Variants in NKAIN1 observed in about 807,000 individuals in gnomAD.
NKAIN1 encodes the protein sodium/potassium-transporting ATPase subunit beta-1-interacting protein 1.
NKAIN1 carries 13 observed loss-of-function variants against 31.6 expected under a neutral mutation model. That is an observed-to-expected ratio of 0.41 (90% confidence interval 0.27 to 0.65). The LOEUF (loss-of-function observed/expected upper bound fraction) is 0.65, where lower values mean the gene tolerates loss of function less well. NKAIN1 is among the 30% of genes least tolerant of loss of function. NKAIN1 has a pLI of 0.30. For missense variants in NKAIN1, 193 were observed against 262.2 expected, an observed-to-expected ratio of 0.74 and a Z score of 1.82; for synonymous variants, 104 against 109.0, an observed-to-expected ratio of 0.95 and a Z score of 0.28.
intron 1 of NKAIN1, among the ~76,000 whole-genome samples, chr1:31,192,325 C>G (rs1645292753): frequency 1.3e-5 from 2 of 152,174 alleles, no homozygotes; most frequent in African/African-American, 4.8e-5. Flanking sequence ...ATGCCCTCAC[C>G]CAGCCAGGGT....
chr1:31,221,788 G>T (rs771065396), intron 1 of NKAIN1, among the ~76,000 whole-genome samples: 4 of 152,144 alleles, frequency 2.6e-5, no homozygotes, highest in Non-Finnish European at 5.9e-5. Context: ...GCTAAAGTTT[G>T]AGAAACACAG....
intron 1 of NKAIN1, among the ~76,000 whole-genome samples, chr1:31,200,100 C>A (rs891781714): frequency 1.3e-5 from 2 of 152,144 alleles, no homozygotes; most frequent in African/African-American, 2.4e-5. Flanking sequence ...CATTCACACA[C>A]ACGCACGCAC....
intron 1 of NKAIN1, among the ~76,000 whole-genome samples, chr1:31,221,099 G>A (rs967137860): frequency 3.3e-5 from 5 of 152,138 alleles, no homozygotes; most frequent in Non-Finnish European, 5.9e-5. Context: ...GAGATGCTCC[G>A]AGGATGAAAT....
At chr1:31,227,223 G>A (rs753906822) in intron 1 of NKAIN1, among the ~76,000 whole-genome samples, 5 of 152,188 alleles carry the variant, frequency 3.3e-5, no homozygotes, top group South Asian at 4.1e-4. Flanking sequence ...CCGCTGCCTC[G>A]TTGCGTGACT....
intron 1 of NKAIN1, among the ~76,000 whole-genome samples, chr1:31,216,929 G>A (rs1469813778): frequency 2.0e-5 from 3 of 151,518 alleles, no homozygotes; most frequent in African/African-American, 2.4e-5. Context: ...GCAATGGTGC[G>A]ATCTTGGCTC....
intron 1 of NKAIN1, among the ~76,000 whole-genome samples, chr1:31,220,848 C>T (rs968561027): frequency 6.6e-6 from 1 of 151,706 alleles, no homozygotes; most frequent in African/African-American, 2.4e-5. Flanking sequence ...CCTGGGCCTT[C>T]CATCTGCTCT....
In NKAIN1 at chr1:31,239,850, G is replaced by A. The variant is rs917945366; in HGVS notation, c.-303C>T. ...GCTGGCGGGGAGCGCGGAGCAAGGA[G>A]AGCGAGCCCCGAGCGCGGCGCAGCG... On this transcript the variant is annotated 5_prime_UTR_variant, in exon 1 of 7. Transcript: ENST00000373736. The surrounding 1 kb of genome is among the most constrained non-coding windows in gnomAD (Gnocchi z 4.8). Among the ~76,000 whole-genome samples, 5 of 152,106 alleles carry A rather than the reference G, an allele frequency of 3.3e-5. No individual in the cohort carries two copies. The highest frequency in any genetic ancestry group is 1.2e-4 in the African/African-American group (5 of 41,548).
At position 31,212,595 on chromosome 1, in the gene NKAIN1, G is replaced by A. The variant is rs1259522085; in HGVS notation, c.55-24408C>T. 2.6e-5 allele frequency among the ~76,000 whole-genome samples: 4 copies of A among 152,154 alleles called. No individual in the cohort carries two copies. The South Asian group carries it at 8.3e-4, about 32-fold the overall frequency. ...ACTTTTTGGATTTTTGATAGAGACA[G>A]GGTGTCACCATGTTGCCCACACTGG... On this transcript the variant is annotated intron_variant, in intron 1 of 6. Transcript: ENST00000373736.
At chr1:31,234,226 C>T (rs1256526162) in intron 1 of NKAIN1, among the ~76,000 whole-genome samples, 3 of 152,234 alleles carry the variant, frequency 2.0e-5, no homozygotes, top group Non-Finnish European at 4.4e-5. Flanking sequence ...ATTTCACGCT[C>T]CTGACTCTGA....
chr1:31,219,353 C>T (rs1236390990), intron 1 of NKAIN1, among the ~76,000 whole-genome samples: 1 of 152,264 alleles, frequency 6.6e-6, no homozygotes, highest in African/African-American at 2.4e-5. Context: ...TCCTTCCAAG[C>T]AGCTGGCGCT....
chr1:31,181,928 G>A lies in NKAIN1; in HGVS notation c.546C>T (p.Gly182=). The change falls in exon 6 of 7, where the codon GGC becomes GGT. Residue 182 remains glycine, a synonymous_variant. Transcript: ENST00000373736. ...LEEEDSFDFI[G]GFDSYGYQAP... is the part of the protein sequence containing the mutation. The stretch of plus-strand genomic sequence containing the variant: ...CCTGGTATCCGTAGGAGTCAAAGCC[G>A]CCGATGAAGTCAACTGCGGAAGAGG... 1.9e-6 allele frequency: 3 copies of A among 1,607,530 alleles called. No individual in the cohort carries two copies. Among genetic ancestry groups the A allele is most frequent in the Non-Finnish European group, 2.5e-6 (3 of 1,177,636 alleles).
At chr1:31,235,853 A>G (rs1645689258) in intron 1 of NKAIN1, among the ~76,000 whole-genome samples, 1 of 152,168 alleles carries the variant, frequency 6.6e-6, no homozygotes, top group South Asian at 2.1e-4. Flanking sequence ...CTCTCAGCTC[A>G]GTGCCCAACT....
At chr1:31,227,227 C>A (rs1023643045) in intron 1 of NKAIN1, among the ~76,000 whole-genome samples, 2 of 152,180 alleles carry the variant, frequency 1.3e-5, no homozygotes, top group Non-Finnish European at 2.9e-5. Flanking sequence ...TGCCTCGTTG[C>A]GTGACTTTGG....
intron 1 of NKAIN1, among the ~76,000 whole-genome samples, chr1:31,215,681 G>A (rs187355723): frequency 6.6e-6 from 1 of 152,222 alleles, no homozygotes; most frequent in Admixed American, 6.5e-5. Context: ...AGGGATGGGG[G>A]TGTCTGGCCC....
intron 1 of NKAIN1, among the ~76,000 whole-genome samples, chr1:31,200,366 T>C (rs1337897373): frequency 1.3e-5 from 2 of 151,616 alleles, no homozygotes; most frequent in Non-Finnish European, 2.9e-5. Context: ...TTCTAGGGAG[T>C]GGGGAGATGG....
chr1:31,184,364 G>A (rs1645226909), intron 3 of NKAIN1, among the ~76,000 whole-genome samples: 1 of 152,072 alleles, frequency 6.6e-6, no homozygotes, highest in Non-Finnish European at 1.5e-5. Context: ...CTCTCCTTTG[G>A]GGCCTTGGTC....
In NKAIN1 at chr1:31,185,264, C is replaced by T. The variant is rs1398523433; in HGVS notation, c.256G>A (p.Val86Ile). ...NAFIICFYLE[V>I]GQLSQDRDFI... is the part of the protein sequence containing the mutation. ...AGGCTTACCTGGGACAGCTGTCCAA[C>T]CTCCAAGTAGAAGCAGATGATAAAT... Residue 86 changes from valine (V) to isoleucine (I), a missense_variant, in exon 3 of 7, where the codon GTT becomes ATT. Transcript: ENST00000373736. The T allele has an allele frequency of 5.6e-6, 9 of 1,609,576 alleles. No homozygotes were observed. Among genetic ancestry groups the T allele is most frequent in the Non-Finnish European group, 7.6e-6 (9 of 1,177,940 alleles).
rs1234791077 is a variant in NKAIN1 at position 31,233,953 on chromosome 1, T to C, written c.54+5541A>G. On this transcript the variant is annotated intron_variant, in intron 1 of 6. Coordinates refer to ENST00000373736, the MANE Select transcript of NKAIN1 (RefSeq NM_024522.3). This position sits in a 1 kb window ranked among gnomAD's most constrained non-coding sequence, Gnocchi z 4.0. ...TCCCAGATGTAGTGCTCCTAGCCCCTGTGCCAGATCTCAGCGAAGCTGCCA... is the reference window on the plus strand; with the variant it reads ...TCCCAGATGTAGTGCTCCTAGCCCCCGTGCCAGATCTCAGCGAAGCTGCCA... Among the ~76,000 whole-genome samples, 1 of 152,236 alleles carries C rather than the reference T, an allele frequency of 6.6e-6. No homozygotes were observed. Among genetic ancestry groups the C allele is most frequent in the Non-Finnish European group, 1.5e-5 (1 of 68,034 alleles).
intron 2 of NKAIN1, among the ~76,000 whole-genome samples, chr1:31,187,674 G>T (rs775995700): frequency 2.0e-5 from 3 of 151,998 alleles, no homozygotes; most frequent in Non-Finnish European, 4.4e-5. Flanking sequence ...AGGAAGACTC[G>T]CAACCTTTCT....
Sources: allele counts gnomAD v4.1 joint callset (sites outside exome capture counted in the v4.1 genomes callset), GRCh38; gene constraint gnomAD v4.1.1; non-coding constraint Gnocchi (gnomAD v3.1); transcripts MANE v1.5; gene names NCBI Gene and HGNC (gene_info 2026-07-23, HGNC 2026-07-21).